The following IQCJ variants were observed in gnomAD, a reference collection of about 807,000 sequenced individuals.
IQCJ encodes the protein IQ domain-containing protein J.
Under a neutral mutation model 11.0 loss-of-function variants are expected in IQCJ, and 9 were observed. That is an observed-to-expected ratio of 0.82 (90% CI 0.49 to 1.43). The LOEUF is 1.43. Ranked by LOEUF, IQCJ falls within the 40% of genes most tolerant of loss-of-function variation. The pLI, the probability that IQCJ is intolerant of heterozygous loss-of-function variation, is 0.00. For synonymous variants in IQCJ, 55 were observed against 51.3 expected (o/e 1.07, Z -0.31); for missense variants, 146 against 133.2 (o/e 1.10, Z -0.47).
intron 1 of IQCJ, among the ~76,000 whole-genome samples, chr3:159,091,392 G>C (rs1315678192): frequency 6.6e-6 from 1 of 151,666 alleles, no homozygotes; most frequent in African/African-American, 2.4e-5. Flanking sequence ...TCAACTTCTT[G>C]TTGTATTCTT....
intron 1 of IQCJ, among the ~76,000 whole-genome samples, chr3:159,201,789 C>A (rs1334954716): frequency 6.6e-6 from 1 of 151,832 alleles, no homozygotes; most frequent in Non-Finnish European, 1.5e-5. Context: ...TCTTAATCTG[C>A]TTTTTTTATT....
intron 1 of IQCJ, among the ~76,000 whole-genome samples, chr3:159,234,502 G>C (rs1726457774): frequency 6.6e-6 from 1 of 152,124 alleles, no homozygotes; most frequent in African/African-American, 2.4e-5. Flanking sequence ...ATGAGCAGAA[G>C]AGTTAAATTA....
intron 1 of IQCJ, among the ~76,000 whole-genome samples, chr3:159,114,235 G>C (rs750663548): frequency 6.6e-6 from 1 of 151,988 alleles, no homozygotes; most frequent in African/African-American, 2.4e-5. Flanking sequence ...AGTTCCTTTG[G>C]TGTATGAATA....
chr3:159,086,692 G>T lies in IQCJ; in HGVS notation c.9+17251G>T, dbSNP rs554985275. On this transcript the variant is annotated intron_variant, in intron 1 of 3. Transcript: ENST00000397832. ...CTCTTTGAAGCAATTGTGAATGGGA[G>T]TTCACCCATGATTTGGCTGTCTGTT... 5.7e-3 allele frequency among the ~76,000 whole-genome samples: 863 copies of T among 151,982 alleles called. 9 individuals are homozygous for T. Among genetic ancestry groups the T allele is most frequent in the African/African-American group, 0.019 (800 of 41,438 alleles).
intron 1 of IQCJ, among the ~76,000 whole-genome samples, chr3:159,183,588 A>T (rs1440260519): frequency 3.3e-5 from 5 of 152,228 alleles, no homozygotes; most frequent in African/African-American, 9.6e-5. Flanking sequence ...AGTAACAAAT[A>T]AGCCTTGAAA....
chr3:159,234,679 G>T (rs563726438), intron 1 of IQCJ, among the ~76,000 whole-genome samples: 3 of 152,092 alleles, frequency 2.0e-5, no homozygotes, highest in Non-Finnish European at 4.4e-5. Context: ...TTAAAGAAAA[G>T]CAATTAGGCA....
At position 159,209,772 on chromosome 3, in the gene IQCJ, G is replaced by A. The variant is rs910804780; in HGVS notation, c.10-36071G>A. ...GCAAAACAAGCCACCTCTGTTTCAAGTCCTGTAAGGGTGTCAGGGAACTCT... is the reference window on the plus strand; with the variant it reads ...GCAAAACAAGCCACCTCTGTTTCAAATCCTGTAAGGGTGTCAGGGAACTCT... On this transcript the variant is annotated intron_variant, in intron 1 of 3. Coordinates refer to ENST00000397832, the MANE Select transcript of IQCJ (RefSeq NM_001042706.3). 5.9e-5 allele frequency among the ~76,000 whole-genome samples: 9 copies of A among 152,118 alleles called. No individual in the cohort carries two copies. The East Asian group carries it at 1.5e-3, about 26-fold the overall frequency.
chr3:159,069,437 G>T lies in IQCJ; in HGVS notation c.5G>T (p.Arg2Leu). 1 of 1,608,542 alleles carries T rather than the reference G, an allele frequency of 6.2e-7. No homozygotes were observed. The highest frequency in any genetic ancestry group is 8.5e-7 in the Non-Finnish European group (1 of 1,177,630). Residue 2 changes from arginine to leucine, a missense_variant, in exon 1 of 4, where the codon CGT (arginine) becomes CTT (leucine). Coordinates refer to ENST00000397832, the MANE Select transcript of IQCJ (RefSeq NM_001042706.3). M[R>L]LEELKRLQNP... ...AGGTGTTCCAGAAACTTCAAAATGC[G>T]TCTGGTAATGTATTTGCTTTTCTAA...
chr3:159,149,266 C>G (rs1487458992), intron 1 of IQCJ, among the ~76,000 whole-genome samples: 1 of 152,070 alleles, frequency 6.6e-6, no homozygotes, highest in Non-Finnish European at 1.5e-5. Context: ...CAATGTGAAC[C>G]AGGCTTTAAT....
intron 1 of IQCJ, among the ~76,000 whole-genome samples, chr3:159,075,938 A>C (rs1476014819): frequency 6.6e-6 from 1 of 152,122 alleles, no homozygotes; most frequent in Non-Finnish European, 1.5e-5. Flanking sequence ...GAGCAGAAGC[A>C]GTGATTGGCT....
At chr3:159,258,841 C>T (rs2108229273) in intron 3 of IQCJ, among the ~76,000 whole-genome samples, 1 of 152,250 alleles carries the variant, frequency 6.6e-6, no homozygotes, top group South Asian at 2.1e-4. Context: ...ACAGTCTGCC[C>T]CCAGCCTGAC....
intron 1 of IQCJ, among the ~76,000 whole-genome samples, chr3:159,084,466 G>T (rs746403641): frequency 1.5e-4 from 23 of 152,084 alleles, no homozygotes; most frequent in Admixed American, 2.6e-4. Flanking sequence ...TGAGAATAAA[G>T]CCATAATCAT....
chr3:159,193,387 T>A (rs918542127), intron 1 of IQCJ, among the ~76,000 whole-genome samples: 5 of 152,306 alleles, frequency 3.3e-5, no homozygotes, highest in African/African-American at 1.2e-4. Context: ...CAGGGAGTCT[T>A]CCAAAGGTCA....
intron 1 of IQCJ, among the ~76,000 whole-genome samples, chr3:159,144,119 T>C (rs969011837): frequency 6.6e-6 from 1 of 152,204 alleles, no homozygotes; most frequent in South Asian, 2.1e-4. Context: ...GGAATTAAGT[T>C]TCAACATGAA....
intron 1 of IQCJ, among the ~76,000 whole-genome samples, chr3:159,137,705 C>T (rs1471592106): frequency 6.6e-6 from 1 of 152,106 alleles, no homozygotes; most frequent in Non-Finnish European, 1.5e-5. Flanking sequence ...TTATTAGTGC[C>T]TATTTTATGA....
intron 1 of IQCJ, chr3:159,069,644 T>C (rs1715407407): frequency 7.5e-6 from 5 of 668,828 alleles, no homozygotes; most frequent in Non-Finnish European, 2.5e-6. Context: ...TAAATATGTA[T>C]TATTTATGTA....
chr3:159,215,207 A>G (rs1725160210), intron 1 of IQCJ, among the ~76,000 whole-genome samples: 1 of 152,158 alleles, frequency 6.6e-6, no homozygotes, highest in African/African-American at 2.4e-5. Flanking sequence ...GGCTGAGACA[A>G]TGGAAGTATG....
chr3:159,114,026 C>A (rs190721483), intron 1 of IQCJ, among the ~76,000 whole-genome samples: 3 of 152,266 alleles, frequency 2.0e-5, no homozygotes, highest in African/African-American at 7.2e-5. Flanking sequence ...TTATTATTTT[C>A]TTCTCTTTCT....
intron 1 of IQCJ, among the ~76,000 whole-genome samples, chr3:159,173,997 C>T (rs1409480813): frequency 6.6e-6 from 1 of 152,018 alleles, no homozygotes; most frequent in Non-Finnish European, 1.5e-5. Flanking sequence ...ATTTATATTT[C>T]TTTACTCCAT....
Sources: gnomAD v4.1 joint callset for allele counts (sites outside exome capture counted in the v4.1 genomes callset) on GRCh38, gnomAD v4.1.1 for gene constraint, MANE v1.5 for transcripts, NCBI Gene and HGNC (gene_info 2026-07-23, HGNC 2026-07-21) for gene names.